UBE2QL1: variants seen among roughly 807,000 people sequenced by gnomAD.
UBE2QL1 encodes ubiquitin-conjugating enzyme E2Q-like protein 1.
UBE2QL1 carries 5 observed loss-of-function variants against 12.6 expected under a neutral mutation model. That is an observed-to-expected ratio of 0.40 (90% confidence interval 0.21 to 0.83). The LOEUF is 0.83. Among genes scored for constraint, UBE2QL1 ranks in the 40% least tolerant of loss-of-function variants. UBE2QL1 has a pLI of 0.37. For missense variants in UBE2QL1, 99 were observed against 222.6 expected (o/e 0.44, Z 3.53); for synonymous variants, 96 against 94.5 (o/e 1.02, Z -0.10).
At chr5:6,453,302 TA>T (rs2126320491) in intron 1 of UBE2QL1, among the ~76,000 whole-genome samples, 2 of 152,290 alleles carry the variant, frequency 1.3e-5, no homozygotes, top group Non-Finnish European at 2.9e-5. Context: ...TCAGCATGAG[TA>T]AAAGCTGTTG....
intron 1 of UBE2QL1, among the ~76,000 whole-genome samples, chr5:6,462,920 A>G (rs1462547905): frequency 1.3e-5 from 2 of 152,252 alleles, no homozygotes; most frequent in African/African-American, 4.8e-5. Flanking sequence ...ATAGTGTGCA[A>G]TTAACTAAGG....
At chr5:6,460,275 A>G (rs1739624595) in intron 1 of UBE2QL1, among the ~76,000 whole-genome samples, 1 of 152,260 alleles carries the variant, frequency 6.6e-6, no homozygotes, top group Non-Finnish European at 1.5e-5. Context: ...ATCAAAGGAA[A>G]TGATGACACG....
chr5:6,483,528 C>T (rs528864828), intron 1 of UBE2QL1, among the ~76,000 whole-genome samples: 8 of 152,256 alleles, frequency 5.3e-5, no homozygotes, highest in African/African-American at 1.9e-4. Context: ...TGCATGTCAG[C>T]AGGGCGCAGC....
Position 6,490,489 on chromosome 5 carries a change from G to A in UBE2QL1, c.355-729G>A, listed in dbSNP as rs964996399. ...ACACGCCTGGTCACTGTGAGGGAGC[G>A]TGGCCCTCTTCACTGGCCCCACCCC... On this transcript the variant is annotated intron_variant, in intron 1 of 1. Transcript: ENST00000399816. 2.6e-5 allele frequency among the ~76,000 whole-genome samples: 4 copies of A among 152,304 alleles called. No individual in the cohort carries two copies. In the East Asian group the frequency reaches 7.7e-4, roughly 29 times the overall value.
intron 1 of UBE2QL1, among the ~76,000 whole-genome samples, chr5:6,460,810 C>T (rs1173077968): frequency 6.6e-6 from 1 of 152,216 alleles, no homozygotes; most frequent in Non-Finnish European, 1.5e-5. Flanking sequence ...CCTAAATGCA[C>T]ATCAAAAGTC....
At position 6,450,078 on chromosome 5, in the gene UBE2QL1, A is replaced by C. The variant is rs578220572; in HGVS notation, c.354+831A>C. Among the ~76,000 whole-genome samples, 183 of 143,952 alleles carry C rather than the reference A, an allele frequency of 1.3e-3. 1 individual carries two copies. The highest frequency in any genetic ancestry group is 2.4e-3 in the Non-Finnish European group (158 of 65,444). The allele number at this position is 143,952 out of a possible 152,430, so 94.4% of individuals were successfully genotyped here. A position where few individuals can be genotyped will look rare whatever the true frequency, so the allele number is the denominator to read the frequency against. On this transcript the variant is annotated intron_variant, in intron 1 of 1. Coordinates refer to ENST00000399816, the MANE Select transcript of UBE2QL1 (RefSeq NM_001145161.3). ...TGGTTTGGGCATTCCCTTAAGAGAC[A>C]AGACCAGACCCCCCCCCCCCACGGC...
In UBE2QL1 at chr5:6,496,022, C is replaced by T. The variant is rs1042966195; in HGVS notation, c.*4673C>T. Among the ~76,000 whole-genome samples the T allele has an allele frequency of 6.6e-6, 1 of 152,160 alleles. No homozygotes were observed. Among genetic ancestry groups the T allele is most frequent in the Non-Finnish European group, 1.5e-5 (1 of 68,030 alleles). On this transcript the variant is annotated 3_prime_UTR_variant, in exon 2 of 2. Coordinates refer to ENST00000399816, the MANE Select transcript of UBE2QL1 (RefSeq NM_001145161.3). ...ACGGGAGCAAAGTGTGCTGGCCAAACAGCAACAATCAAAGCAGAGGGGAGC... is the reference window on the plus strand; with the variant it reads ...ACGGGAGCAAAGTGTGCTGGCCAAATAGCAACAATCAAAGCAGAGGGGAGC...
chr5:6,494,628 TGTAA>T lies in UBE2QL1; in HGVS notation c.*3282_*3285del, dbSNP rs1349165798. On this transcript the variant is annotated 3_prime_UTR_variant, in exon 2 of 2. Coordinates refer to ENST00000399816, the MANE Select transcript of UBE2QL1 (RefSeq NM_001145161.3). ...TGGAGACTAAAGATTGTCAACGAAATGTAAGTGTCATTTTCGTAGTATTAGGACG... is the reference window on the plus strand; with the variant it reads ...TGGAGACTAAAGATTGTCAACGAAATGTGTCATTTTCGTAGTATTAGGACG... 1 of 152,200 alleles carries T rather than the reference TGTAA, an allele frequency of 6.6e-6. No individual in the cohort carries two copies. Among genetic ancestry groups the T allele is most frequent in the Non-Finnish European group, 1.5e-5 (1 of 68,052 alleles). 9.4% of individuals were successfully genotyped at this position (152,200 alleles called of 1,614,324 possible).
At chr5:6,469,196 A>G (rs1454903623) in intron 1 of UBE2QL1, among the ~76,000 whole-genome samples, 4 of 152,130 alleles carry the variant, frequency 2.6e-5, no homozygotes, top group East Asian at 3.9e-4. Flanking sequence ...CTCCAGATCA[A>G]TTGTTATCTT....
Position 6,491,481 on chromosome 5 carries a change from G to A in UBE2QL1, c.*132G>A, listed in dbSNP as rs1734568945. 16 of 1,241,208 alleles carry A rather than the reference G, an allele frequency of 1.3e-5. No individual in the cohort carries two copies. The highest frequency in any genetic ancestry group is 3.3e-5 in the Admixed American group (1 of 30,132). 76.9% of individuals were successfully genotyped at this position (1,241,208 alleles called of 1,614,324 possible). On this transcript the variant is annotated 3_prime_UTR_variant, in exon 2 of 2. Coordinates refer to ENST00000399816, the MANE Select transcript of UBE2QL1 (RefSeq NM_001145161.3). ...ACTGCATCCTGAATGCCCAGGAGACGTTTAAGTTATTTATGAAAAGATGTG... is the reference window on the plus strand; with the variant it reads ...ACTGCATCCTGAATGCCCAGGAGACATTTAAGTTATTTATGAAAAGATGTG...
chr5:6,461,375 C>A (rs78938254), intron 1 of UBE2QL1, among the ~76,000 whole-genome samples: 1 of 152,146 alleles, frequency 6.6e-6, no homozygotes, highest in Non-Finnish European at 1.5e-5. Context: ...TCTGCATTCT[C>A]ATGGGACAGA....
chr5:6,457,390 T>G (rs998661574), intron 1 of UBE2QL1, among the ~76,000 whole-genome samples: 1 of 152,172 alleles, frequency 6.6e-6, no homozygotes, highest in African/African-American at 2.4e-5. Flanking sequence ...CGGCATTGTT[T>G]AGAAAAAGTT....
In UBE2QL1 at chr5:6,463,696, C is replaced by T. The variant is rs370825408; in HGVS notation, c.354+14449C>T. 8.0e-5 allele frequency among the ~76,000 whole-genome samples: 12 copies of T among 150,490 alleles called. No homozygotes were observed. The East Asian group carries it at 1.4e-3, about 17-fold the overall frequency. Reference sequence around the variant, plus strand: ...AGGCTGGAGTGCAGTGGCGCGATCTCGGCTCACTGCAAGCTCCGCCTCCCG... The same window carrying T: ...AGGCTGGAGTGCAGTGGCGCGATCTTGGCTCACTGCAAGCTCCGCCTCCCG... On this transcript the variant is annotated intron_variant, in intron 1 of 1. Coordinates refer to ENST00000399816, the MANE Select transcript of UBE2QL1 (RefSeq NM_001145161.3).
At chr5:6,451,349 A>G (rs1289758057) in intron 1 of UBE2QL1, among the ~76,000 whole-genome samples, 1 of 152,254 alleles carries the variant, frequency 6.6e-6, no homozygotes, top group Non-Finnish European at 1.5e-5. Context: ...CCCATATGCC[A>G]AGCGGCAATA....
intron 1 of UBE2QL1, among the ~76,000 whole-genome samples, chr5:6,480,293 G>A (rs998306909): frequency 5.3e-4 from 81 of 152,110 alleles, no homozygotes; most frequent in African/African-American, 1.8e-3. Context: ...CCATTTTCTC[G>A]TCTGTAAAAT....
Position 6,448,883 on chromosome 5 carries a change from G to C in UBE2QL1, c.-11G>C, listed in dbSNP as rs986229465. Reference sequence around the variant, plus strand: ...CAGCAACACTGCACGCAGGTGCGCAGCCGGCGGCTCATGAAGGAGCTGCAG... The same window carrying C: ...CAGCAACACTGCACGCAGGTGCGCACCCGGCGGCTCATGAAGGAGCTGCAG... On this transcript the variant is annotated 5_prime_UTR_variant, in exon 1 of 2. Transcript: ENST00000399816. 1 of 1,497,322 alleles carries C rather than the reference G, an allele frequency of 6.7e-7. No homozygotes were observed. Among genetic ancestry groups the C allele is most frequent in the Non-Finnish European group, 8.9e-7 (1 of 1,121,206 alleles). The allele number at this position is 1,497,322 out of a possible 1,614,324, so 92.8% of individuals were successfully genotyped here. A position where few individuals can be genotyped will look rare whatever the true frequency, so the allele number is the denominator to read the frequency against.
intron 1 of UBE2QL1, among the ~76,000 whole-genome samples, chr5:6,453,435 C>T (rs759118510): frequency 1.3e-5 from 2 of 152,132 alleles, no homozygotes; most frequent in South Asian, 2.1e-4. Context: ...GCCAGCCATC[C>T]GCAAAAGATT....
intron 1 of UBE2QL1, among the ~76,000 whole-genome samples, chr5:6,451,269 A>G (rs1739407888): frequency 6.6e-6 from 1 of 151,866 alleles, no homozygotes; most frequent in African/African-American, 2.4e-5. Flanking sequence ...TAAGAGAGAG[A>G]GGGACCTCAG....
At position 6,495,427 on chromosome 5, in the gene UBE2QL1, C is replaced by G. The variant is rs150362387; in HGVS notation, c.*4078C>G. On this transcript the variant is annotated 3_prime_UTR_variant, in exon 2 of 2. Coordinates refer to ENST00000399816, the MANE Select transcript of UBE2QL1 (RefSeq NM_001145161.3). ...AGACCACTTAGCCTAATTTTACACCCTCTGCAGTGAAGGAGGCGAGCCCAG... is the reference window on the plus strand; with the variant it reads ...AGACCACTTAGCCTAATTTTACACCGTCTGCAGTGAAGGAGGCGAGCCCAG... Among the ~76,000 whole-genome samples the G allele has an allele frequency of 5.9e-5, 9 of 152,306 alleles. No individual in the cohort carries two copies. In the East Asian group the frequency reaches 1.7e-3, roughly 29 times the overall value.
Sources: allele counts gnomAD v4.1 joint callset (sites outside exome capture counted in the v4.1 genomes callset), GRCh38; gene constraint gnomAD v4.1.1; transcripts MANE v1.5; gene names NCBI Gene and HGNC (gene_info 2026-07-23, HGNC 2026-07-21).